NAV1: variants seen among roughly 807,000 people sequenced by gnomAD.
The protein encoded by NAV1 is pore membrane and/or filament interacting like protein 3.
A neutral mutation model predicts 175.2 loss-of-function variants in NAV1; 18 were observed. The ratio of observed to expected loss-of-function variants is 0.10; its 90% confidence interval spans 0.07 to 0.15. The LOEUF is 0.15. Ranked by LOEUF, NAV1 falls within the 10% of genes least tolerant of loss-of-function variation. The pLI, the probability that NAV1 is intolerant of heterozygous loss-of-function variation, is 1.00. For missense variants in NAV1, 1,731 were observed against 2,436.6 expected (o/e 0.71, Z 6.10); for synonymous variants, 897 against 978.7 (o/e 0.92, Z 1.56).
chr1:201,676,534 G>C (rs924386854), intron 1 of NAV1, among the ~76,000 whole-genome samples: 1 of 151,988 alleles, frequency 6.6e-6, no homozygotes. Flanking sequence ...GCCACACAGC[G>C]AGGGAAGCGG....
intron 1 of NAV1, among the ~76,000 whole-genome samples, chr1:201,556,100 A>T (rs995039669): frequency 5.9e-5 from 9 of 152,156 alleles, no homozygotes; most frequent in Non-Finnish European, 1.2e-4. Flanking sequence ...GGTGCTAAGG[A>T]CAAACAGTAT....
chr1:201,647,389 C>A (rs919607328), upstream of NAV1, among the ~76,000 whole-genome samples: 40 of 152,344 alleles, frequency 2.6e-4, no homozygotes, highest in African/African-American at 9.4e-4. Flanking sequence ...GGACCCAGTG[C>A]AAAGCCTCCT....
At chr1:201,693,088 T>A (rs1275844329) in intron 1 of NAV1, among the ~76,000 whole-genome samples, 1 of 151,950 alleles carries the variant, frequency 6.6e-6, no homozygotes, top group Admixed American at 6.5e-5. Context: ...GGTGAGTGGG[T>A]GGAGGAGGTG....
chr1:201,799,718 T>C (rs2102774895), intron 15 of NAV1, among the ~76,000 whole-genome samples: 1 of 152,086 alleles, frequency 6.6e-6, no homozygotes, highest in Admixed American at 6.5e-5. Flanking sequence ...AAATAAGCTG[T>C]TCATGGTGGC....
At chr1:201,780,585 C>T in intron 4 of NAV1, 26 bp downstream of exon 8, 2 of 1,614,034 alleles carry the variant, frequency 1.2e-6, no homozygotes, top group Non-Finnish European at 1.7e-6. Context: ...AACACCCAAG[C>T]TGCCATCTCA....
chr1:201,629,570 A>G (rs1668429302), intron 2 of NAV1, 63 bp downstream of exon 4: 3 of 1,118,290 alleles, frequency 2.7e-6, no homozygotes, highest in Non-Finnish European at 3.6e-6. Flanking sequence ...AGCTGCCTAG[A>G]TGGAAGAAGA....
intron 3 of NAV1, among the ~76,000 whole-genome samples, chr1:201,746,620 G>T (rs1673782906): frequency 6.6e-6 from 1 of 152,198 alleles, no homozygotes; most frequent in South Asian, 2.1e-4. Flanking sequence ...TGTAAGGGAA[G>T]ATTTATGCCC....
intron 3 of NAV1, among the ~76,000 whole-genome samples, chr1:201,739,086 C>G (rs376899835): frequency 8.5e-5 from 13 of 152,142 alleles, no homozygotes; most frequent in African/African-American, 3.1e-4. Context: ...ATGGGAGGAC[C>G]CTGCTACTGG....
chr1:201,588,698 G>T (rs1667104878), intron 2 of NAV1, among the ~76,000 whole-genome samples, 49 bp downstream of exon 2: 1 of 152,024 alleles, frequency 6.6e-6, no homozygotes, highest in Non-Finnish European at 1.5e-5. Flanking sequence ...TTAGGGGTTG[G>T]TAGGGCTGGG....
intron 1 of NAV1, among the ~76,000 whole-genome samples, chr1:201,661,827 G>A (rs586688): frequency 0.22 from 33,221 of 152,132 alleles, 5,084 homozygotes; most frequent in African/African-American, 0.44. Context: ...GCATCTAGCG[G>A]AGAAGTTAGC....
intron 3 of NAV1, among the ~76,000 whole-genome samples, chr1:201,737,908 T>C (rs1673184080): frequency 6.6e-6 from 1 of 152,144 alleles, no homozygotes; most frequent in African/African-American, 2.4e-5. Flanking sequence ...CTGTAAGCTG[T>C]TCCCCAGATG....
chr1:201,545,164 A>G (rs776531480), intron 1 of NAV1, among the ~76,000 whole-genome samples: 1 of 152,116 alleles, frequency 6.6e-6, no homozygotes, highest in African/African-American at 2.4e-5. Flanking sequence ...CTCAGCTTTC[A>G]GTCCTAACCT....
At position 201,740,909 on chromosome 1, in the gene NAV1, GA is replaced by G. The variant is rs756772936; in HGVS notation, c.1226+22155del. Among the ~76,000 whole-genome samples the G allele has an allele frequency of 2.9e-4, 44 of 152,182 alleles. 1 individual carries two copies. The highest frequency in any genetic ancestry group is 3.4e-3 in the Middle Eastern group (1 of 294). On this transcript the variant is annotated intron_variant, in intron 3 of 29. Coordinates refer to ENST00000367296, the Ensembl canonical transcript of NAV1. The surrounding 1 kb of genome is among the most constrained non-coding windows in gnomAD (Gnocchi z 4.7). ...TGAGAAAGGGGGCTGGGGTTTCTGG[GA>G]TTTTTTAGCGGGGTGGGCAGGGGAG...
chr1:201,547,232 G>A (rs1447986830), intron 1 of NAV1, among the ~76,000 whole-genome samples: 6 of 151,950 alleles, frequency 3.9e-5, no homozygotes, highest in Non-Finnish European at 7.4e-5. Flanking sequence ...CAGGTGATAC[G>A]CCCACCTCGG....
intron 1 of NAV1, among the ~76,000 whole-genome samples, chr1:201,690,229 A>C (rs557015400): frequency 2.1e-5 from 2 of 96,954 alleles, no homozygotes; most frequent in South Asian, 6.8e-4. Context: ...GAGTATGTCT[A>C]TTTCCTCTCT....
chr1:201,574,392 C>T (rs1360838054), intron 1 of NAV1, among the ~76,000 whole-genome samples: 3 of 151,902 alleles, frequency 2.0e-5, no homozygotes, highest in East Asian at 1.9e-4. Context: ...GGGTTTGGGT[C>T]GAGTGGTTGT....
At chr1:201,815,369 T>A (rs1678964406) in intron 28 of NAV1, among the ~76,000 whole-genome samples, 1 of 152,100 alleles carries the variant, frequency 6.6e-6, no homozygotes, top group East Asian at 1.9e-4. Context: ...TAGCGAGACC[T>A]TGTCACTTAA....
intron 15 of NAV1, chr1:201,798,754 GT>G (rs1677639776): frequency 8.1e-6 from 1 of 123,748 alleles, no homozygotes; most frequent in Admixed American, 9.9e-5. Flanking sequence ...CCAGACTGGA[GT>G]GCAGTGGTAC....
At chr1:201,786,363 C>T (rs1164560033) in intron 8 of NAV1, 66 bp from the exon 13 acceptor site, 56 of 1,513,364 alleles carry the variant, frequency 3.7e-5, no homozygotes, top group Non-Finnish European at 4.8e-5. Flanking sequence ...AGACACCCTC[C>T]GCACCAACTA....
Sources: allele counts gnomAD v4.1 joint callset (sites outside exome capture counted in the v4.1 genomes callset), GRCh38; gene constraint gnomAD v4.1.1; non-coding constraint Gnocchi (gnomAD v3.1); transcripts MANE v1.5; gene names NCBI Gene and HGNC (gene_info 2026-07-23, HGNC 2026-07-21).